KCNB2: variants seen among roughly 807,000 people sequenced by gnomAD.
The protein encoded by KCNB2 is potassium voltage-gated channel subfamily B member 2.
In KCNB2, 15 loss-of-function variants were observed where a neutral mutation model predicts 61.5. The observed-to-expected ratio is 0.24, with a 90% CI of 0.16 to 0.38. The LOEUF (loss-of-function observed/expected upper bound fraction) is 0.38. KCNB2 is among the 10% of genes least tolerant of loss of function. KCNB2 has a pLI of 1.00. For missense variants in KCNB2, 828 were observed against 1,125.2 expected (o/e 0.74, Z 3.78); for synonymous variants, 457 against 446.0 (o/e 1.02, Z -0.31).
chr8:72,649,017 G>A (rs973086323), intron 2 of KCNB2, among the ~76,000 whole-genome samples: 1 of 151,842 alleles, frequency 6.6e-6, no homozygotes, highest in Non-Finnish European at 1.5e-5. Flanking sequence ...TTACAGATAT[G>A]TGCATAATAC....
At chr8:72,917,940 G>A (rs995212467) in intron 2 of KCNB2, among the ~76,000 whole-genome samples, 6 of 152,136 alleles carry the variant, frequency 3.9e-5, no homozygotes, top group African/African-American at 1.4e-4. Context: ...GACCCAAAGA[G>A]GTGTGAAAGG....
At chr8:72,925,147 A>G (rs571862688) in intron 2 of KCNB2, among the ~76,000 whole-genome samples, 1 of 152,354 alleles carries the variant, frequency 6.6e-6, no homozygotes, top group East Asian at 1.9e-4. Flanking sequence ...AGCTGCTGGG[A>G]CATGGTCTTT....
intron 2 of KCNB2, among the ~76,000 whole-genome samples, chr8:72,598,381 C>A (rs1807234488): frequency 1.3e-5 from 2 of 152,134 alleles, no homozygotes; most frequent in Non-Finnish European, 2.9e-5. Flanking sequence ...GCAGAAAAGG[C>A]CTTTGAAAAA....
chr8:72,538,552 T>C (rs1806147757), intron 1 of KCNB2, among the ~76,000 whole-genome samples: 1 of 152,242 alleles, frequency 6.6e-6, no homozygotes. Flanking sequence ...AAACTGTCAG[T>C]GTGCAATATG....
intron 2 of KCNB2, among the ~76,000 whole-genome samples, chr8:72,812,279 A>G (rs950199258): frequency 1.6e-4 from 25 of 151,910 alleles, no homozygotes; most frequent in African/African-American, 6.0e-4. Context: ...AAAAAAAAAA[A>G]GAAAGAAAGA....
chr8:72,615,834 A>G (rs997351242), intron 2 of KCNB2, among the ~76,000 whole-genome samples: 4 of 152,246 alleles, frequency 2.6e-5, no homozygotes, highest in Non-Finnish European at 5.9e-5. Context: ...AGAAAGTCAG[A>G]TAAGATCAAC....
At chr8:72,917,161 C>A (rs1185263108) in intron 2 of KCNB2, among the ~76,000 whole-genome samples, 1 of 152,116 alleles carries the variant, frequency 6.6e-6, no homozygotes, top group Non-Finnish European at 1.5e-5. Flanking sequence ...AGAAGGAAAT[C>A]ATTTCCTTGT....
chr8:72,828,003 G>A (rs1314043510), intron 2 of KCNB2, among the ~76,000 whole-genome samples: 2 of 151,978 alleles, frequency 1.3e-5, no homozygotes, highest in Admixed American at 1.3e-4. Flanking sequence ...AGTAGAGACG[G>A]GGTTTCACCA....
intron 2 of KCNB2, among the ~76,000 whole-genome samples, chr8:72,848,822 T>G (rs924263117): frequency 1.3e-5 from 2 of 152,126 alleles, no homozygotes; most frequent in African/African-American, 2.4e-5. Flanking sequence ...ATTCAGGCAC[T>G]GTTAAATGCT....
chr8:72,679,168 T>G (rs1432652169), intron 2 of KCNB2, among the ~76,000 whole-genome samples: 1 of 152,208 alleles, frequency 6.6e-6, no homozygotes, highest in African/African-American at 2.4e-5. Context: ...AGATTGAATA[T>G]TTTCCAAAAT....
chr8:72,926,229 A>C (rs112488150), intron 2 of KCNB2, among the ~76,000 whole-genome samples: 3,873 of 152,282 alleles, frequency 0.025, 148 homozygotes, highest in African/African-American at 0.089. Context: ...CTGCACATGT[A>C]CCCAACAACT....
In KCNB2 at chr8:72,640,079, GGGTGGCCCTGATT is replaced by G. The variant is rs757007548; in HGVS notation, c.579+71767_579+71779del. Among the ~76,000 whole-genome samples the G allele has an allele frequency of 2.2e-3, 337 of 152,112 alleles. 2 individuals are homozygous for G. Among genetic ancestry groups the G allele is most frequent in the Non-Finnish European group, 3.8e-3 (257 of 67,980 alleles). ...TAGCATTATAGCCCAAGATGGTATGGGGTGGCCCTGATTTGTGATAAAGAGGCTTTTTGGCCTT... is the reference window on the plus strand; with the variant it reads ...TAGCATTATAGCCCAAGATGGTATGGTGTGATAAAGAGGCTTTTTGGCCTT... On this transcript the variant is annotated intron_variant, in intron 2 of 2. Coordinates refer to ENST00000523207, the MANE Select transcript of KCNB2 (RefSeq NM_004770.3).
At chr8:72,609,681 G>A (rs1340779246) in intron 2 of KCNB2, among the ~76,000 whole-genome samples, 1 of 152,136 alleles carries the variant, frequency 6.6e-6, no homozygotes, top group South Asian at 2.1e-4. Context: ...ATTTAATATT[G>A]TATATTATAA....
In KCNB2 at chr8:72,885,882, A is replaced by G. The variant is rs1196233352; in HGVS notation, c.580-50053A>G. ...GCTACGATAAAGACTGTCTCCTGGT[A>G]TTTTACTCTACTGTTTCCCAAGATA... On this transcript the variant is annotated intron_variant, in intron 2 of 2. Coordinates refer to ENST00000523207, the MANE Select transcript of KCNB2 (RefSeq NM_004770.3). Among the ~76,000 whole-genome samples the G allele has an allele frequency of 8.5e-5, 13 of 152,076 alleles. No individual in the cohort carries two copies. In the East Asian group the frequency reaches 1.9e-3, roughly 23 times the overall value.
intron 2 of KCNB2, chr8:72,619,260 A>G (rs1487607571): frequency 6.5e-6 from 4 of 617,636 alleles, no homozygotes; most frequent in African/African-American, 1.8e-5. Flanking sequence ...TGTGCTGTCA[A>G]CCAAAGCATT....
At chr8:72,538,184 A>T (rs1240008816) in intron 1 of KCNB2, among the ~76,000 whole-genome samples, 1 of 152,018 alleles carries the variant, frequency 6.6e-6, no homozygotes, top group Non-Finnish European at 1.5e-5. Flanking sequence ...TTTGTTGGTA[A>T]ATGCCACACT....
intron 2 of KCNB2, among the ~76,000 whole-genome samples, chr8:72,749,873 A>G (rs893852945): frequency 1.3e-4 from 19 of 147,752 alleles, no homozygotes; most frequent in African/African-American, 4.4e-4. Flanking sequence ...ATATATATAT[A>G]CATCCATGTT....
chr8:72,911,076 A>G (rs1202603461), intron 2 of KCNB2, among the ~76,000 whole-genome samples: 1 of 152,226 alleles, frequency 6.6e-6, no homozygotes, highest in East Asian at 1.9e-4. Context: ...ATTAAACTCT[A>G]TATAGCATCA....
At chr8:72,677,301 C>T (rs1201375700) in intron 2 of KCNB2, among the ~76,000 whole-genome samples, 5 of 152,174 alleles carry the variant, frequency 3.3e-5, no homozygotes, top group Non-Finnish European at 5.9e-5. Flanking sequence ...GTTTCAGTCA[C>T]TTGGATTGTG....
Sources: allele counts gnomAD v4.1 joint callset (sites outside exome capture counted in the v4.1 genomes callset), GRCh38; gene constraint gnomAD v4.1.1; transcripts MANE v1.5; gene names NCBI Gene and HGNC (gene_info 2026-07-23, HGNC 2026-07-21).